Variants in ANO4 observed in about 807,000 individuals in gnomAD.
ANO4 encodes the protein anoctamin-4.
Under a neutral mutation model 141.9 loss-of-function variants are expected in ANO4, and 69 were observed. That is an observed-to-expected ratio of 0.49 (90% CI 0.40 to 0.59). The LOEUF (loss-of-function observed/expected upper bound fraction) is 0.59. Among genes scored for constraint, ANO4 ranks in the 20% least tolerant of loss-of-function variants. ANO4 has a pLI of 0.00. For missense variants in ANO4, 894 were observed against 1,162.2 expected, an observed-to-expected ratio of 0.77 and a Z score of 3.36; for synonymous variants, 350 against 394.3, an observed-to-expected ratio of 0.89 and a Z score of 1.33.
chr12:100,853,422 A>G (rs1413197009), intron 1 of ANO4, among the ~76,000 whole-genome samples: 1 of 152,128 alleles, frequency 6.6e-6, no homozygotes, highest in Admixed American at 6.6e-5. Context: ...TTACCTTCAT[A>G]TTTATTAAAA....
At chr12:100,902,556 A>T (rs1008336222) in intron 2 of ANO4, among the ~76,000 whole-genome samples, 1 of 152,186 alleles carries the variant, frequency 6.6e-6, no homozygotes, top group Non-Finnish European at 1.5e-5. Context: ...AAGAATTCAT[A>T]AGTCATTGAG....
intron 2 of ANO4, among the ~76,000 whole-genome samples, chr12:100,902,832 C>T (rs2040659599): frequency 6.6e-6 from 1 of 152,254 alleles, no homozygotes; most frequent in Non-Finnish European, 1.5e-5. Flanking sequence ...GGGCCTCCCA[C>T]TGTCTTTGAC....
chr12:100,855,976 A>G (rs562839811), intron 1 of ANO4, among the ~76,000 whole-genome samples: 1 of 152,310 alleles, frequency 6.6e-6, no homozygotes, highest in East Asian at 1.9e-4. Context: ...TTATAGAAGA[A>G]CTTGTATTTC....
intron 14 of ANO4, among the ~76,000 whole-genome samples, chr12:101,061,442 G>T (rs998282492): frequency 6.6e-6 from 1 of 151,968 alleles, no homozygotes; most frequent in Admixed American, 6.6e-5. Flanking sequence ...TTGTAGGCTG[G>T]GGAAGTTCTC....
At chr12:100,724,092 T>C (rs1225519543) in intron 1 of ANO4, among the ~76,000 whole-genome samples, 2 of 152,236 alleles carry the variant, frequency 1.3e-5, no homozygotes, top group Non-Finnish European at 2.9e-5. Flanking sequence ...GCATGAATCT[T>C]TACCTCCTGA....
rs181840166 is a variant in ANO4 at position 100,812,236 on chromosome 12, T to A, written c.-141+17209T>A. Among the ~76,000 whole-genome samples, 6 of 152,336 alleles carry A rather than the reference T, an allele frequency of 3.9e-5. No homozygotes were observed. In the East Asian group the frequency reaches 1.2e-3, roughly 29 times the overall value. On this transcript the variant is annotated intron_variant, in intron 1 of 27. Transcript: ENST00000392977. The stretch of plus-strand genomic sequence containing the variant: ...CATTTTCTTGTTATTGCTTTGTTGT[T>A]GTTCTGTTGATTAAGTAATTCTATA...
chr12:101,110,011 T>C (rs1229183995), intron 22 of ANO4, among the ~76,000 whole-genome samples: 1 of 152,196 alleles, frequency 6.6e-6, no homozygotes, highest in Non-Finnish European at 1.5e-5. Flanking sequence ...AAGTTTGTTC[T>C]GTGTCCTATT....
At chr12:101,071,574 G>A (rs910219771) in intron 14 of ANO4, among the ~76,000 whole-genome samples, 1 of 151,848 alleles carries the variant, frequency 6.6e-6, no homozygotes, top group South Asian at 2.1e-4. Flanking sequence ...TGAAGAGGAG[G>A]GGGGATGGTT....
rs1474355387 is a variant in ANO4 at position 100,912,428 on chromosome 12, A to G, written c.56-9798A>G. Among the ~76,000 whole-genome samples, 153 of 150,028 alleles carry G rather than the reference A, an allele frequency of 1.0e-3. 1 individual carries two copies. The highest frequency in any genetic ancestry group is 3.7e-3 in the African/African-American group (151 of 41,000). On this transcript the variant is annotated intron_variant, in intron 2 of 27. Coordinates refer to ENST00000392977, the MANE Select transcript of ANO4 (RefSeq NM_001286615.2). ...AAAAAAAGAAAAAAGAAAAAAAAAA[A>G]AAAGCTGAAGCAGGAGAATCGCTTG...
upstream of ANO4, among the ~76,000 whole-genome samples, chr12:100,792,833 A>G (rs1480908641): frequency 1.3e-5 from 2 of 152,222 alleles, no homozygotes; most frequent in African/African-American, 4.8e-5. Flanking sequence ...TATATTCTTG[A>G]TATGCTGCCC....
intron 16 of ANO4, 30 bp downstream of exon 16, chr12:101,083,848 C>T (rs1315251918): frequency 6.6e-7 from 1 of 1,518,784 alleles, no homozygotes; most frequent in Non-Finnish European, 8.8e-7. Flanking sequence ...ATATTTGTTT[C>T]ATAAAATACA....
At chr12:100,785,951 T>A (rs539339077) in intron 3 of ANO4, among the ~76,000 whole-genome samples, 1 of 152,332 alleles carries the variant, frequency 6.6e-6, no homozygotes, top group South Asian at 2.1e-4. Flanking sequence ...GTTCAGTGGA[T>A]GGCCTAGTTT....
At chr12:100,823,829 G>A (rs59016568) in intron 1 of ANO4, among the ~76,000 whole-genome samples, 3,453 of 152,038 alleles carry the variant, frequency 0.023, 129 homozygotes, top group African/African-American at 0.079. Flanking sequence ...TGGAGAAGGA[G>A]CTATTATCTA....
Position 101,079,261 on chromosome 12 carries a change from T to A in ANO4, c.1381T>A (p.Trp461Arg), listed in dbSNP as rs761747073. ...TGCTTATGACTGGGATTTGATAGAC[T>A]GGGAAGAAGAGGAGGTTTGTATCAT... Reference protein sequence around the residue: ...VIAYDWDLIDWEEEEEEIRPQ... With the variant: ...VIAYDWDLIDREEEEEEIRPQ... The change falls in exon 15 of 28, where the codon TGG becomes AGG. Residue 461 changes from tryptophan (W) to arginine (R), a missense_variant. Coordinates refer to ENST00000392977, the MANE Select transcript of ANO4 (RefSeq NM_001286615.2). 1 of 1,613,720 alleles carries A rather than the reference T, an allele frequency of 6.2e-7. No individual in the cohort carries two copies. Among genetic ancestry groups the A allele is most frequent in the East Asian group, 2.2e-5 (1 of 44,882 alleles).
chr12:100,939,157 T>C (rs2042403304), intron 3 of ANO4, among the ~76,000 whole-genome samples, 158 bp from the exon 4 acceptor site: 1 of 152,244 alleles, frequency 6.6e-6, no homozygotes, highest in South Asian at 2.1e-4. Flanking sequence ...GTTTTATGTC[T>C]GACATACTTT....
intron 2 of ANO4, among the ~76,000 whole-genome samples, chr12:100,920,402 G>C (rs1052829159): frequency 3.3e-5 from 5 of 152,140 alleles, no homozygotes; most frequent in African/African-American, 1.2e-4. Flanking sequence ...GAGCCAGGCT[G>C]ATAATTGAAT....
intron 13 of ANO4, 92 bp from the exon 14 acceptor site, chr12:101,048,249 T>C: frequency 2.2e-6 from 3 of 1,388,028 alleles, no homozygotes; most frequent in Non-Finnish European, 3.0e-6. Context: ...ACTCATTATA[T>C]AATCACAGCT....
At chr12:100,851,296 G>C (rs1272663400) in intron 1 of ANO4, among the ~76,000 whole-genome samples, 1 of 152,116 alleles carries the variant, frequency 6.6e-6, no homozygotes, top group Admixed American at 6.5e-5. Context: ...TAGTGAAGTA[G>C]AGTATTTTAA....
intron 14 of ANO4, chr12:101,068,483 G>T: frequency 1.0e-6 from 1 of 985,528 alleles, no homozygotes; most frequent in Non-Finnish European, 1.6e-6. Flanking sequence ...TTCTCACCCT[G>T]TTCTCAGTAA....
Sources: gnomAD v4.1 joint callset for allele counts (sites outside exome capture counted in the v4.1 genomes callset) on GRCh38, gnomAD v4.1.1 for gene constraint, MANE v1.5 for transcripts, NCBI Gene and HGNC (gene_info 2026-07-23, HGNC 2026-07-21) for gene names.